The following RSU1 variants were observed in gnomAD, a reference collection of about 807,000 sequenced individuals.
RSU1 encodes the protein rsu-1.
In RSU1, 26 loss-of-function variants were observed where a neutral mutation model predicts 31.1. The observed-to-expected ratio is 0.84, with a 90% CI of 0.61 to 1.16. RSU1 has a LOEUF of 1.16. Ranked by LOEUF, RSU1 falls within the 50% of genes most tolerant of loss-of-function variation. The pLI, the probability that RSU1 is intolerant of heterozygous loss-of-function variation, is 0.00. For synonymous variants in RSU1, 164 were observed against 136.3 expected (o/e 1.20, Z -1.41); for missense variants, 320 against 339.1 (o/e 0.94, Z 0.44).
chr10:16,668,163 G>T (rs1486772553), intron 8 of RSU1, among the ~76,000 whole-genome samples: 1 of 152,036 alleles, frequency 6.6e-6, no homozygotes, highest in Non-Finnish European at 1.5e-5. Flanking sequence ...GAGAAAATGG[G>T]GATAAGCAGT....
At chr10:16,773,466 A>C (rs960716858) in intron 3 of RSU1, among the ~76,000 whole-genome samples, 4 of 152,200 alleles carry the variant, frequency 2.6e-5, no homozygotes, top group Admixed American at 1.3e-4. Context: ...AAGGATCCAG[A>C]GCCACAGGAA....
rs574258571 is a variant in RSU1, at chr10:16,782,097, G to T, written c.110-13C>A. The T allele has an allele frequency of 8.0e-7, 1 of 1,243,390 alleles. No homozygotes were observed. The highest frequency in any genetic ancestry group is 1.6e-5 in the South Asian group (1 of 63,764). 77.0% of individuals were successfully genotyped at this position (1,243,390 alleles called of 1,614,324 possible). A position where few individuals can be genotyped will look rare whatever the true frequency, so the allele number is the denominator to read the frequency against. On this transcript the variant is annotated splice_polypyrimidine_tract_variant and intron_variant, in intron 2 of 8. Transcript: ENST00000345264. The stretch of plus-strand genomic sequence containing the variant: ...TGGGATAAGGTAACTAAAAAGAAAA[G>T]AAAAAAAAAAAGGTCAGTCAGTAAA...
At chr10:16,769,578 C>T (rs766885536) in intron 3 of RSU1, among the ~76,000 whole-genome samples, 98 of 152,312 alleles carry the variant, frequency 6.4e-4, no homozygotes, top group Non-Finnish European at 2.8e-4. Flanking sequence ...GGAGGGGTAT[C>T]CCGGAGTTTC....
chr10:16,625,698 T>G (rs2131484239), intron 8 of RSU1, among the ~76,000 whole-genome samples: 1 of 152,272 alleles, frequency 6.6e-6, no homozygotes, highest in South Asian at 2.1e-4. Flanking sequence ...TATCAGGTAA[T>G]GAGAAAGAAA....
At chr10:16,665,847 CAT>C (rs1834979496) in intron 8 of RSU1, among the ~76,000 whole-genome samples, 2 of 152,126 alleles carry the variant, frequency 1.3e-5, no homozygotes, top group African/African-American at 4.8e-5. Context: ...GACAAGGTAA[CAT>C]ATTGGACAAA....
At chr10:16,816,902 A>G (rs548849721) in intron 2 of RSU1, 71 bp downstream of exon 2, 29 of 1,054,732 alleles carry the variant, frequency 2.7e-5, no homozygotes, top group African/African-American at 2.5e-4. Flanking sequence ...TCACAGCAGG[A>G]CCAGCAGTGA....
At position 16,619,142 on chromosome 10, in the gene RSU1, T is replaced by C. The variant is rs571852332; in HGVS notation, c.732-25646A>G. On this transcript the variant is annotated intron_variant, in intron 8 of 8. Transcript: ENST00000345264. ...TACTCAAAACACGTCTACTATGAAG[T>C]GCTAAGAAATTAAAAATGAATGGCA... Among the ~76,000 whole-genome samples, 31 of 152,262 alleles carry C rather than the reference T, an allele frequency of 2.0e-4. No individual in the cohort carries two copies. In the South Asian group the frequency reaches 6.4e-3, roughly 32 times the overall value.
rs2131285210 is a variant in RSU1, at chr10:16,817,024, C to T, written c.58G>A (p.Val20Met). The T allele has an allele frequency of 6.2e-7, 1 of 1,614,260 alleles. No individual in the cohort carries two copies. Among genetic ancestry groups the T allele is most frequent in the Non-Finnish European group, 8.5e-7 (1 of 1,180,046 alleles). Residue 20 changes from valine (V) to methionine (M), a missense_variant, in exon 2 of 9, where the codon GTG (valine) becomes ATG (methionine). Coordinates refer to ENST00000345264, the MANE Select transcript of RSU1 (RefSeq NM_012425.4). ...EESREKNQPE[V>M]DMSDRGISNM... The stretch of plus-strand genomic sequence containing the variant: ...GAGATGCCCCGGTCACTCATGTCCA[C>T]CTCGGGCTGGTTCTTCTCCCGGCTC...
chr10:16,764,355 T>C (rs1331892531), intron 4 of RSU1, 35 bp downstream of exon 4: 2 of 1,592,212 alleles, frequency 1.3e-6, no homozygotes, highest in African/African-American at 2.7e-5. Context: ...TTCCACTCTC[T>C]TCCTCTCCAT....
intron 8 of RSU1, among the ~76,000 whole-genome samples, chr10:16,620,227 G>T (rs1310693880): frequency 1.3e-5 from 2 of 152,154 alleles, no homozygotes; most frequent in Non-Finnish European, 2.9e-5. Flanking sequence ...TTAAAGTGTT[G>T]TGAAAGTTAA....
chr10:16,800,317 T>C (rs116756001), intron 2 of RSU1, among the ~76,000 whole-genome samples: 1 of 152,188 alleles, frequency 6.6e-6, no homozygotes, highest in East Asian at 1.9e-4. Context: ...ATGATTGATA[T>C]GCTAAGAGCT....
intron 2 of RSU1, among the ~76,000 whole-genome samples, chr10:16,791,345 A>G (rs1837907374): frequency 6.6e-6 from 1 of 152,192 alleles, no homozygotes; most frequent in Non-Finnish European, 1.5e-5. Flanking sequence ...TAAAAAATAA[A>G]AAAACTGGGC....
intron 2 of RSU1, among the ~76,000 whole-genome samples, chr10:16,795,663 A>G (rs1005043929): frequency 3.3e-5 from 5 of 152,202 alleles, no homozygotes; most frequent in African/African-American, 1.2e-4. Context: ...GGCTAAACAA[A>G]TATGCCACCG....
intron 7 of RSU1, among the ~76,000 whole-genome samples, chr10:16,730,918 G>A (rs780039443): frequency 1.7e-4 from 26 of 151,930 alleles, no homozygotes; most frequent in Non-Finnish European, 5.9e-5. Context: ...CCGTCTCCTG[G>A]GTTCAAGCGA....
At chr10:16,645,910 G>GTA (rs1370821633) in intron 8 of RSU1, among the ~76,000 whole-genome samples, 13 of 37,556 alleles carry the variant, frequency 3.5e-4, no homozygotes, top group African/African-American at 9.2e-4. Flanking sequence ...ACACATATAT[G>GTA]TATATATATG....
chr10:16,729,580 T>C (rs1836463599), intron 7 of RSU1, among the ~76,000 whole-genome samples: 1 of 152,180 alleles, frequency 6.6e-6, no homozygotes. Flanking sequence ...TCGCTACTCC[T>C]TGTAACCACA....
At chr10:16,720,875 G>A (rs1175143166) in intron 7 of RSU1, among the ~76,000 whole-genome samples, 3 of 152,118 alleles carry the variant, frequency 2.0e-5, no homozygotes, top group Non-Finnish European at 4.4e-5. Context: ...GGGCCCAACT[G>A]CTTGGGAGGC....
intron 2 of RSU1, among the ~76,000 whole-genome samples, chr10:16,805,641 A>C (rs1588548329): frequency 7.1e-6 from 1 of 139,916 alleles, no homozygotes; most frequent in Non-Finnish European, 1.5e-5. Context: ...ACGCCACTGC[A>C]CTCCGACAGA....
At chr10:16,806,467 A>G (rs563349353) in intron 2 of RSU1, among the ~76,000 whole-genome samples, 5 of 152,186 alleles carry the variant, frequency 3.3e-5, no homozygotes, top group Non-Finnish European at 7.4e-5. Context: ...CAAGTTAATG[A>G]TGCTCCTTAA....
Sources: gnomAD v4.1 joint callset for allele counts (sites outside exome capture counted in the v4.1 genomes callset) on GRCh38, gnomAD v4.1.1 for gene constraint, MANE v1.5 for transcripts, NCBI Gene and HGNC (gene_info 2026-07-23, HGNC 2026-07-21) for gene names.